INSYN2B: variants seen among roughly 807,000 people sequenced by gnomAD.
INSYN2B encodes protein INSYN2B.
Under a neutral mutation model 41.2 loss-of-function variants are expected in INSYN2B, and 16 were observed. The ratio of observed to expected loss-of-function variants is 0.39; its 90% CI spans 0.26 to 0.59. INSYN2B has a LOEUF of 0.59. INSYN2B is among the 20% of genes least tolerant of loss of function. The probability of loss-of-function intolerance (pLI) is 0.57; values close to 1 mark genes in which losing one functional copy is unlikely to be tolerated. For synonymous variants in INSYN2B, 245 were observed against 244.4 expected (o/e 1.00, Z -0.02); for missense variants, 608 against 646.4 (o/e 0.94, Z 0.64).
At chr5:169,891,965 C>T (rs372048342) in intron 1 of INSYN2B, among the ~76,000 whole-genome samples, 2 of 142,586 alleles carry the variant, frequency 1.4e-5, no homozygotes, top group African/African-American at 2.6e-5. Flanking sequence ...CATTGCACTC[C>T]AGCCTGGGCA....
chr5:169,900,013 T>C (rs1217689944), intron 1 of INSYN2B, among the ~76,000 whole-genome samples: 2 of 152,184 alleles, frequency 1.3e-5, no homozygotes, highest in Admixed American at 1.3e-4. Flanking sequence ...TCTCCAGCAC[T>C]CGAAACCACA....
intron 1 of INSYN2B, among the ~76,000 whole-genome samples, chr5:169,887,859 A>G (rs1438319038): frequency 6.6e-6 from 1 of 152,188 alleles, no homozygotes; most frequent in East Asian, 1.9e-4. Context: ...TTACTGCATG[A>G]GAAGGTCTTT....
rs368959585 is a variant in INSYN2B at position 169,895,526 on chromosome 5, C to T, written c.-918-10710G>A. Among the ~76,000 whole-genome samples, 7 of 152,218 alleles carry T rather than the reference C, an allele frequency of 4.6e-5. No individual in the cohort carries two copies. The East Asian group carries it at 5.8e-4, about 13-fold the overall frequency. On this transcript the variant is annotated intron_variant, in intron 1 of 3. Coordinates refer to ENST00000377365, the MANE Select transcript of INSYN2B (RefSeq NM_001129891.3). ...AAAAGCAGCCAGCAGCCAGCATTCA[C>T]GCATCCTCTTCTTTTGGGGGTAGGA... is the stretch of plus-strand genomic sequence containing the variant.
Position 169,882,748 on chromosome 5 carries a change from G to C in INSYN2B, c.1151C>G (p.Ser384Ter). 6.4e-7 allele frequency: 1 copy of C among 1,551,884 alleles called. No individual in the cohort carries two copies. The highest frequency in any genetic ancestry group is 8.7e-7 in the Non-Finnish European group (1 of 1,147,012). Residue 384 changes from serine to a stop codon, truncating the protein, a stop_gained, in exon 2 of 4, where the codon TCA (serine) becomes TGA (stop). Transcript: ENST00000377365. LOFTEE classifies it high-confidence loss of function. ...GCTCTGAAGTTTGGTCTCACTCCTT[G>C]AAAGAGAGGATGGGAGATGATTACT... ...PGSNHLPSSL[S>*]RSETKLQSNR...
At chr5:169,974,394 T>C (rs1777638869) in intron 1 of INSYN2B, among the ~76,000 whole-genome samples, 1 of 152,238 alleles carries the variant, frequency 6.6e-6, no homozygotes, top group African/African-American at 2.4e-5. Flanking sequence ...TTTCTTCCTT[T>C]GTTATGGCCC....
At position 169,884,064 on chromosome 5, in the gene INSYN2B, C is replaced by A. The variant is rs562356885; in HGVS notation, c.-166G>T. 2.9e-5 allele frequency: 15 copies of A among 523,108 alleles called. No individual in the cohort carries two copies. The highest frequency in any genetic ancestry group is 3.8e-5 in the Non-Finnish European group (12 of 311,886). 32.4% of individuals were successfully genotyped at this position (523,108 alleles called of 1,614,324 possible). On this transcript the variant is annotated 5_prime_UTR_variant, in exon 2 of 4. Coordinates refer to ENST00000377365, the MANE Select transcript of INSYN2B (RefSeq NM_001129891.3). ...GGGAAATCCTGTTGGCCATTCCCAGCCTCTAGAGTCTACGTAGGAACTATC... is the reference window on the plus strand; with the variant it reads ...GGGAAATCCTGTTGGCCATTCCCAGACTCTAGAGTCTACGTAGGAACTATC...
At chr5:169,869,539 A>C (rs1227030397) in intron 3 of INSYN2B, among the ~76,000 whole-genome samples, 1 of 152,130 alleles carries the variant, frequency 6.6e-6, no homozygotes, top group Non-Finnish European at 1.5e-5. Flanking sequence ...GAGGGAGTAT[A>C]TTTTGCTTTG....
chr5:169,926,449 A>G (rs1366486936), intron 1 of INSYN2B, among the ~76,000 whole-genome samples: 2 of 152,164 alleles, frequency 1.3e-5, no homozygotes, highest in African/African-American at 4.8e-5. Context: ...TGAGCCTCGG[A>G]TTATGGTCTG....
intron 1 of INSYN2B, chr5:169,934,952 T>C (rs1775922206): frequency 3.4e-6 from 1 of 291,542 alleles, no homozygotes; most frequent in South Asian, 3.1e-5. Flanking sequence ...GATTGTGCTA[T>C]GCTGGATACA....
intron 1 of INSYN2B, among the ~76,000 whole-genome samples, chr5:169,975,241 C>G (rs1777674936): frequency 6.6e-6 from 1 of 152,154 alleles, no homozygotes; most frequent in African/African-American, 2.4e-5. Flanking sequence ...AACTCCTGAC[C>G]CTAGGAACAA....
chr5:169,877,460 A>T (rs1352537869), intron 3 of INSYN2B, among the ~76,000 whole-genome samples: 1 of 152,200 alleles, frequency 6.6e-6, no homozygotes, highest in Admixed American at 6.5e-5. Context: ...TCAGTAGCTT[A>T]TTTGGCATAT....
intron 1 of INSYN2B, among the ~76,000 whole-genome samples, chr5:169,923,963 T>G (rs33373): frequency 1.3e-5 from 2 of 152,024 alleles, no homozygotes; most frequent in African/African-American, 4.8e-5. Flanking sequence ...AACATTGCGG[T>G]TGGCAAAATG....
At chr5:169,973,812 G>T (rs1396719767) in intron 1 of INSYN2B, among the ~76,000 whole-genome samples, 2 of 152,090 alleles carry the variant, frequency 1.3e-5, no homozygotes, top group Non-Finnish European at 1.5e-5. Flanking sequence ...TTTACCAATT[G>T]GTCTATCTGT....
chr5:169,881,296 A>G, intron 3 of INSYN2B, 72 bp downstream of exon 3: 1 of 1,274,936 alleles, frequency 7.8e-7, no homozygotes, highest in Admixed American at 2.2e-5. Flanking sequence ...TGCATTTAAA[A>G]GTTTGCTAGA....
At chr5:169,957,186 A>C (rs1776905041) in intron 1 of INSYN2B, among the ~76,000 whole-genome samples, 2 of 152,208 alleles carry the variant, frequency 1.3e-5, no homozygotes, top group Non-Finnish European at 2.9e-5. Context: ...GTACTCAATA[A>C]ATAATGGTGA....
rs1407183672 is a variant in INSYN2B, at chr5:169,881,359, G to T, written c.1421+9C>A. On this transcript the variant is annotated intron_variant, in intron 3 of 3. Coordinates refer to ENST00000377365, the MANE Select transcript of INSYN2B (RefSeq NM_001129891.3). ...GTCTACAGAGCAGGCCTCGCTTGTG[G>T]CCAGGTACCTGTATATGATGCACGC... 15 of 1,550,440 alleles carry T rather than the reference G, an allele frequency of 9.7e-6. No individual in the cohort carries two copies. Among genetic ancestry groups the T allele is most frequent in the Non-Finnish European group, 9.6e-6 (11 of 1,146,012 alleles).
intron 1 of INSYN2B, among the ~76,000 whole-genome samples, chr5:169,929,286 T>C (rs1266600701): frequency 6.6e-6 from 1 of 152,192 alleles, no homozygotes; most frequent in Non-Finnish European, 1.5e-5. Flanking sequence ...CATTTCTCTT[T>C]CCTTTCCCCA....
chr5:169,964,387 C>T (rs1223345509), intron 1 of INSYN2B, among the ~76,000 whole-genome samples: 1 of 152,174 alleles, frequency 6.6e-6, no homozygotes, highest in African/African-American at 2.4e-5. Context: ...GGAAGACTGG[C>T]ATCATCTGCA....
chr5:169,924,711 A>G (rs550391515), intron 1 of INSYN2B, among the ~76,000 whole-genome samples: 1 of 152,352 alleles, frequency 6.6e-6, no homozygotes, highest in Admixed American at 6.5e-5. Flanking sequence ...CTTTTTTTGA[A>G]GGAGGGCTGA....
Sources: gnomAD v4.1 joint callset for allele counts (sites outside exome capture counted in the v4.1 genomes callset) on GRCh38, gnomAD v4.1.1 for gene constraint, MANE v1.5 for transcripts, NCBI Gene and HGNC (gene_info 2026-07-23, HGNC 2026-07-21) for gene names.